The following CBR4 variants were observed in gnomAD, a reference collection of about 807,000 sequenced individuals.
CBR4 encodes the protein carbonyl reductase 4.
A neutral mutation model predicts 21.0 loss-of-function variants in CBR4; 22 were observed. The ratio of observed to expected loss-of-function variants is 1.05; its 90% CI spans 0.75 to 1.50. CBR4 has a LOEUF of 1.50. CBR4 is among the 40% of genes most tolerant of loss of function. The pLI is 0.00. For missense variants in CBR4, 302 were observed against 286.3 expected, an observed-to-expected ratio of 1.05 and a Z score of -0.40; for synonymous variants, 100 against 104.4, an observed-to-expected ratio of 0.96 and a Z score of 0.26.
At chr4:168,974,235 C>A (rs1211832584) in intron 2 of CBR4, among the ~76,000 whole-genome samples, 1 of 152,158 alleles carries the variant, frequency 6.6e-6, no homozygotes, top group Non-Finnish European at 1.5e-5. Flanking sequence ...AAAGAGAGGA[C>A]CCCAATCACT....
At chr4:168,919,991 C>T (rs1410278604) in intron 2 of CBR4, among the ~76,000 whole-genome samples, 1 of 152,174 alleles carries the variant, frequency 6.6e-6, no homozygotes, top group African/African-American at 2.4e-5. Flanking sequence ...GTGCTTTGGG[C>T]ATCTCTCCTA....
At chr4:168,928,482 T>C (rs1762834552) in intron 2 of CBR4, 1 of 172,794 alleles carries the variant, frequency 5.8e-6, no homozygotes, top group African/African-American at 2.4e-5. Flanking sequence ...CCATAACAAT[T>C]AGCATAAACT....
At chr4:168,939,122 G>C (rs1220333753) in intron 2 of CBR4, among the ~76,000 whole-genome samples, 1 of 152,192 alleles carries the variant, frequency 6.6e-6, no homozygotes, top group African/African-American at 2.4e-5. Flanking sequence ...CTTCATCCAT[G>C]GGATGCAAGG....
Position 169,009,995 on chromosome 4 carries a change from A to G in CBR4, c.95T>C (p.Ile32Thr), listed in dbSNP as rs763857057. The G allele has an allele frequency of 5.6e-6, 9 of 1,613,380 alleles. No individual in the cohort carries two copies. The East Asian group carries it at 2.0e-4, about 36-fold the overall frequency. Reference protein sequence around the residue: ...MARKGYRLAVIARNLEGAKAA... With the variant: ...MARKGYRLAVTARNLEGAKAA... ...TTTGGCCCCTTCCAGGTTTCTGGCA[A>G]TGACCGCCAGTCGGTAGCCTTTCCG... The change falls in exon 1 of 5, where the codon ATT (isoleucine) becomes ACT (threonine). Residue 32 changes from isoleucine to threonine, a missense_variant. By Grantham distance (89) the Ile-to-Thr change is moderately conservative (BLOSUM62 -1). Coordinates refer to ENST00000306193, the MANE Select transcript of CBR4 (RefSeq NM_032783.5).
chr4:168,974,142 CTTT>C (rs1424301224), intron 2 of CBR4, among the ~76,000 whole-genome samples: 6 of 152,094 alleles, frequency 3.9e-5, no homozygotes, highest in Non-Finnish European at 7.4e-5. Context: ...CTCAGCATTT[CTTT>C]GTCTGAAAAA....
At chr4:168,957,878 G>A (rs1763733044) in intron 2 of CBR4, among the ~76,000 whole-genome samples, 1 of 152,058 alleles carries the variant, frequency 6.6e-6, no homozygotes, top group Non-Finnish European at 1.5e-5. Context: ...GAGTTCTCAC[G>A]AGATCTGATG....
chr4:168,970,611 T>C (rs1465424121), intron 2 of CBR4, among the ~76,000 whole-genome samples: 5 of 152,126 alleles, frequency 3.3e-5, no homozygotes, highest in East Asian at 1.9e-4. Context: ...CTGCACCCAG[T>C]GTGTAGTCTT....
intron 2 of CBR4, among the ~76,000 whole-genome samples, chr4:168,978,233 G>T (rs1764429910): frequency 6.6e-6 from 1 of 152,090 alleles, no homozygotes; most frequent in African/African-American, 2.4e-5. Context: ...CCTTCTGAAT[G>T]AAAGGCTTTA....
At chr4:168,957,826 G>A (rs896057484) in intron 2 of CBR4, among the ~76,000 whole-genome samples, 11 of 152,100 alleles carry the variant, frequency 7.2e-5, no homozygotes, top group African/African-American at 2.4e-4. Context: ...GGAGGTAATT[G>A]AATCATGGGG....
At chr4:168,911,183 A>C (rs1275490419) in intron 2 of CBR4, among the ~76,000 whole-genome samples, 1 of 152,232 alleles carries the variant, frequency 6.6e-6, no homozygotes, top group Non-Finnish European at 1.5e-5. Context: ...GAACAAATTC[A>C]GTGATTTGCT....
chr4:169,006,065 T>G (rs868604855), intron 3 of CBR4, among the ~76,000 whole-genome samples: 8 of 152,350 alleles, frequency 5.3e-5, no homozygotes, highest in South Asian at 4.1e-4. Flanking sequence ...TTAGATGAAC[T>G]GAAAACTAGG....
chr4:168,989,150 AATTT>A lies in CBR4; in HGVS notation c.*996_*999del, dbSNP rs1327221679. ...TTATTTTTTATGCTTATTCATACAG[AATTT>A]ATTACTTTCTAGAATTTTGGGATAA... On this transcript the variant is annotated 3_prime_UTR_variant, in exon 5 of 5. Coordinates refer to ENST00000306193, the MANE Select transcript of CBR4 (RefSeq NM_032783.5). 10 of 966,872 alleles carry A rather than the reference AATTT, an allele frequency of 1.0e-5. No individual in the cohort carries two copies. Among genetic ancestry groups the A allele is most frequent in the African/African-American group, 1.8e-5 (1 of 56,850 alleles). 59.9% of individuals were successfully genotyped at this position (966,872 alleles called of 1,614,324 possible).
chr4:169,008,167 G>C (rs1404555934), intron 1 of CBR4, among the ~76,000 whole-genome samples: 1 of 151,916 alleles, frequency 6.6e-6, no homozygotes, highest in Non-Finnish European at 1.5e-5. Context: ...TAGTTTCTTT[G>C]GCCCTGAACG....
chr4:168,980,655 G>A (rs1370404820), intron 2 of CBR4, among the ~76,000 whole-genome samples: 1 of 152,140 alleles, frequency 6.6e-6, no homozygotes, highest in Non-Finnish European at 1.5e-5. Context: ...AGAATCACTT[G>A]AACCTGGAAG....
intron 2 of CBR4, among the ~76,000 whole-genome samples, chr4:168,966,356 C>CAAA (rs1215042926): frequency 3.1e-4 from 23 of 75,170 alleles, no homozygotes; most frequent in South Asian, 5.8e-4. Context: ...ACTAAAAATA[C>CAAA]AAAAAAAAAA....
At chr4:168,982,747 A>C (rs60799677), downstream of CBR4, among the ~76,000 whole-genome samples, 7,741 of 152,306 alleles carry the variant, frequency 0.051, 631 homozygotes, top group African/African-American at 0.17. Context: ...GTAAAAACAG[A>C]AATCAATACT....
intron 2 of CBR4, among the ~76,000 whole-genome samples, chr4:168,931,392 T>C (rs1762965813): frequency 6.6e-6 from 1 of 151,546 alleles, no homozygotes; most frequent in Admixed American, 6.6e-5. Context: ...TCCCTAGACC[T>C]TCCCAGCAGC....
intron 2 of CBR4, chr4:168,926,930 G>GCATTT (rs1762646198): frequency 4.6e-6 from 1 of 219,408 alleles, no homozygotes; most frequent in African/African-American, 2.3e-5. Context: ...AAATCATAAG[G>GCATTT]AAGGAACTAC....
chr4:168,939,048 A>G (rs1763188222), intron 2 of CBR4, among the ~76,000 whole-genome samples: 1 of 152,200 alleles, frequency 6.6e-6, no homozygotes, highest in Non-Finnish European at 1.5e-5. Context: ...AAAATCCTCA[A>G]TAAAATACTG....
Sources: gnomAD v4.1 joint callset for allele counts (sites outside exome capture counted in the v4.1 genomes callset) on GRCh38, gnomAD v4.1.1 for gene constraint, MANE v1.5 for transcripts, NCBI Gene and HGNC (gene_info 2026-07-23, HGNC 2026-07-21) for gene names.